KLRC1: variants seen among roughly 807,000 people sequenced by gnomAD.
KLRC1 encodes killer cell lectin like receptor C1.
In KLRC1, 22 loss-of-function variants were observed where a neutral mutation model predicts 25.9. The observed-to-expected ratio is 0.85, with a 90% CI of 0.61 to 1.21. The LOEUF is 1.21. KLRC1 is among the 50% of genes most tolerant of loss of function. The pLI is 0.00. For synonymous variants in KLRC1, 77 were observed against 93.1 expected, an observed-to-expected ratio of 0.83 and a Z score of 0.99; for missense variants, 240 against 272.2, an observed-to-expected ratio of 0.88 and a Z score of 0.83.
upstream of KLRC1, among the ~76,000 whole-genome samples, chr12:10,453,558 A>G (rs1455742928): frequency 7.1e-6 from 1 of 141,480 alleles, no homozygotes; most frequent in East Asian, 2.0e-4. Context: ...TCAAGTGCCT[A>G]TGAGAATTTT....
At chr12:10,443,290 G>A (rs1301388059), downstream of KLRC1, among the ~76,000 whole-genome samples, 9 of 140,106 alleles carry the variant, frequency 6.4e-5, 2 homozygotes, top group African/African-American at 8.2e-5. Flanking sequence ...TACTATGTAC[G>A]CACTGAAATT....
In KLRC1 at chr12:10,449,894, C is replaced by A; in HGVS notation, c.337+20G>T. On this transcript the variant is annotated intron_variant, in intron 4 of 6. Transcript: ENST00000359151. Reference sequence around the variant, plus strand: ...AAAAATAAACTGTACAATATTAAAACTTTAAAAATTATTATATACCTTTCT... The same window carrying A: ...AAAAATAAACTGTACAATATTAAAAATTTAAAAATTATTATATACCTTTCT... 1 of 1,438,874 alleles carries A rather than the reference C, an allele frequency of 6.9e-7. No homozygotes were observed. The highest frequency in any genetic ancestry group is 9.2e-7 in the Non-Finnish European group (1 of 1,082,850). The allele number at this position is 1,438,874 out of a possible 1,614,324, so 89.1% of individuals were successfully genotyped here.
In KLRC1 at chr12:10,450,541, G is replaced by C; in HGVS notation, c.226C>G (p.Leu76Val). ...SAPEKLIVGI[L>V]GIICLILMAS... ...ATTAAGATAAGACAGATAATTCCCAGGATCCCAACAATGAGCTTCTCTGGA... is the reference window on the plus strand; with the variant it reads ...ATTAAGATAAGACAGATAATTCCCACGATCCCAACAATGAGCTTCTCTGGA... The change falls in exon 3 of 7, where the codon CTG becomes GTG. Residue 76 changes from leucine to valine, a missense_variant. Physicochemically the swap from Leu to Val is conservative, Grantham distance 32. Transcript: ENST00000359151. The C allele has an allele frequency of 6.2e-7, 1 of 1,611,740 alleles. No individual in the cohort carries two copies. The highest frequency in any genetic ancestry group is 1.3e-5 in the African/African-American group (1 of 74,962).
intron 5 of KLRC1, among the ~76,000 whole-genome samples, chr12:10,448,193 C>T (rs879023722): frequency 1.6e-4 from 24 of 151,744 alleles, no homozygotes; most frequent in Non-Finnish European, 2.5e-4. Flanking sequence ...AAGACAAAAG[C>T]AATGGAGAAC....
rs547241730 is a variant in KLRC1, at chr12:10,449,248, C to T, written c.478G>A (p.Glu160Lys). Residue 160 changes from glutamate to lysine, a missense_variant, in exon 5 of 7, where the codon GAA becomes AAA. Coordinates refer to ENST00000359151, the MANE Select transcript of KLRC1 (RefSeq NM_002259.5). ...KNSSLLSIDN[E>K]EEMKFLSIIS... ...CATTTACATCTTACCATTTCTTCTT[C>T]ATTATCTATAGAAAGCAGACTGGAG... The T allele has an allele frequency of 1.9e-6, 3 of 1,613,792 alleles. No individual in the cohort carries two copies. In the South Asian group the frequency reaches 3.3e-5, roughly 18 times the overall value.
chr12:10,443,347 C>A (rs1863935864), downstream of KLRC1, among the ~76,000 whole-genome samples: 1 of 140,004 alleles, frequency 7.1e-6, no homozygotes, highest in Admixed American at 7.0e-5. Context: ...AAATATTTAA[C>A]AACATATACC....
chr12:10,447,688 A>C (rs1864021980), intron 5 of KLRC1, 56 bp from the exon 6 acceptor site: 4 of 1,394,900 alleles, frequency 2.9e-6, no homozygotes, highest in Non-Finnish European at 2.9e-6. Context: ...CATTACAAAA[A>C]CAATATATTA....
intron 3 of KLRC1, 65 bp from the exon 4 acceptor site, chr12:10,450,032 T>G: frequency 8.9e-7 from 1 of 1,127,468 alleles, no homozygotes; most frequent in South Asian, 1.9e-5. Flanking sequence ...TAATTTTAAG[T>G]TTTTGTTTGA....
downstream of KLRC1, among the ~76,000 whole-genome samples, chr12:10,444,283 A>G (rs575729867): frequency 5.1e-4 from 74 of 145,106 alleles, 2 homozygotes; most frequent in African/African-American, 1.8e-3. Context: ...GAATAATGTT[A>G]CAATAGAGAG....
chr12:10,452,269 T>C (rs993647493), intron 1 of KLRC1, among the ~76,000 whole-genome samples: 3 of 152,136 alleles, frequency 2.0e-5, no homozygotes, highest in Non-Finnish European at 2.9e-5. Context: ...TCATTTAAAC[T>C]TATAGAATGA....
intron 4 of KLRC1, 32 bp from the exon 5 acceptor site, chr12:10,449,420 A>G (rs757515800): frequency 6.3e-7 from 1 of 1,596,088 alleles, no homozygotes; most frequent in Non-Finnish European, 8.5e-7. Flanking sequence ...TATCTAGACC[A>G]ATATGAATTT....
At chr12:10,448,691 C>T (rs1445219991) in intron 5 of KLRC1, among the ~76,000 whole-genome samples, 1 of 152,054 alleles carries the variant, frequency 6.6e-6, no homozygotes, top group Non-Finnish European at 1.5e-5. Flanking sequence ...CAGATAACCG[C>T]AATAATATGG....
chr12:10,444,631 G>A (rs1031523888), downstream of KLRC1, among the ~76,000 whole-genome samples: 6 of 152,082 alleles, frequency 3.9e-5, no homozygotes, highest in South Asian at 2.1e-4. Context: ...ATAGAAATCC[G>A]AGTATATCCT....
At chr12:10,449,991 G>A in intron 3 of KLRC1, 24 bp from the exon 4 acceptor site, 1 of 1,427,218 alleles carries the variant, frequency 7.0e-7, no homozygotes, top group Non-Finnish European at 9.3e-7. Context: ...AGTAATCTTT[G>A]TAAAAAAATT....
intron 1 of KLRC1, among the ~76,000 whole-genome samples, chr12:10,451,802 T>C (rs1484774854): frequency 4.6e-5 from 7 of 152,164 alleles, no homozygotes; most frequent in Admixed American, 2.0e-4. Flanking sequence ...AATTAAAATG[T>C]TGTATTAGAA....
intron 5 of KLRC1, among the ~76,000 whole-genome samples, chr12:10,448,306 A>T (rs1040389193): frequency 6.6e-6 from 1 of 152,168 alleles, no homozygotes; most frequent in Non-Finnish European, 1.5e-5. Context: ...CGACAGAAGA[A>T]GGTGACCTAG....
At position 10,449,942 on chromosome 12, in the gene KLRC1, ATTG is replaced by A. The variant is rs774799549; in HGVS notation, c.306_308del (p.Asn103del). The A allele has an allele frequency of 2.0e-6, 3 of 1,493,276 alleles. No homozygotes were observed. The highest frequency in any genetic ancestry group is 2.7e-6 in the Non-Finnish European group (3 of 1,118,584). 92.5% of individuals were successfully genotyped at this position (1,493,276 alleles called of 1,614,324 possible). ...TCTGAGTTCTTGTATTCAGGGAAGA[ATTG>A]TTGTGCCTCTGTATTAATGTAGCTA... On this transcript the variant is annotated inframe_deletion, in exon 4 of 7. Transcript: ENST00000359151.
Position 10,450,984 on chromosome 12 carries a change from G to C in KLRC1, c.173C>G (p.Thr58Ser), listed in dbSNP as rs1428013118. 6.2e-7 allele frequency: 1 copy of C among 1,611,352 alleles called. No homozygotes were observed. Among genetic ancestry groups the C allele is most frequent in the Non-Finnish European group, 8.5e-7 (1 of 1,178,456 alleles). Residue 58 changes from threonine (T) to serine (S), a missense_variant, in exon 2 of 7, where the codon ACC (threonine) becomes AGC (serine). Physicochemically the swap from Thr to Ser is moderately conservative, Grantham distance 58. Transcript: ENST00000359151. ...AAATGCTTTACCTTTGCAGTGATAG[G>C]TTTTGTCATTCCCTTGAAAATCCTG... Reference protein sequence around the residue: ...ASQDFQGNDKTYHCKDLPSAP... With the variant: ...ASQDFQGNDKSYHCKDLPSAP...
At chr12:10,452,827 AATTG>A (rs1864152166) in intron 1 of KLRC1, among the ~76,000 whole-genome samples, 2 of 152,166 alleles carry the variant, frequency 1.3e-5, no homozygotes, top group South Asian at 4.1e-4. Context: ...GGCTTTCATC[AATTG>A]ATTGATTTAT....
Sources: allele counts gnomAD v4.1 joint callset (sites outside exome capture counted in the v4.1 genomes callset), GRCh38; gene constraint gnomAD v4.1.1; transcripts MANE v1.5; gene names NCBI Gene and HGNC (gene_info 2026-07-23, HGNC 2026-07-21).